RP1: variants seen among roughly 807,000 people sequenced by gnomAD.
RP1 encodes oxygen-regulated protein 1.
A neutral mutation model predicts 14.8 loss-of-function variants in RP1; 16 were observed. The ratio of observed to expected loss-of-function variants is 1.08; its 90% confidence interval spans 0.73 to 1.65. RP1 has a LOEUF of 1.65. RP1 is among the 40% of genes most tolerant of loss of function. The pLI, the probability that RP1 is intolerant of heterozygous loss-of-function variation, is 0.00. For missense variants in RP1, 2,631 were observed against 2,535.0 expected, an observed-to-expected ratio of 1.04 and a Z score of -0.81; for synonymous variants, 876 against 883.6, an observed-to-expected ratio of 0.99 and a Z score of 0.15.
intron 1 of RP1, among the ~76,000 whole-genome samples, chr8:54,583,827 C>T (rs1804854253): frequency 6.6e-6 from 1 of 152,184 alleles, no homozygotes; most frequent in Non-Finnish European, 1.5e-5. Flanking sequence ...GTTAGTATTT[C>T]TGTGGGATCG....
intron 1 of RP1, among the ~76,000 whole-genome samples, chr8:54,568,459 A>T (rs1193818825): frequency 6.6e-6 from 1 of 152,182 alleles, no homozygotes; most frequent in African/African-American, 2.4e-5. Flanking sequence ...TTTGTTCTTG[A>T]GATATTTGGA....
intron 1 of RP1, among the ~76,000 whole-genome samples, chr8:54,619,236 G>GC (rs1563327370): frequency 6.6e-6 from 1 of 151,352 alleles, no homozygotes; most frequent in African/African-American, 2.4e-5. Flanking sequence ...ATCTTCAAAT[G>GC]TTTTTTTTTC....
chr8:54,690,803 G>A (rs1807692280), intron 12 of RP1, among the ~76,000 whole-genome samples: 1 of 151,970 alleles, frequency 6.6e-6, no homozygotes. Flanking sequence ...TTAGTTTCAA[G>A]TGTTGTACTG....
At chr8:54,605,212 G>C (rs573960483) in intron 1 of RP1, among the ~76,000 whole-genome samples, 13 of 152,290 alleles carry the variant, frequency 8.5e-5, no homozygotes, top group African/African-American at 2.9e-4. Flanking sequence ...TGCTTTGAAT[G>C]TGTCCCAGAG....
exon 24 of RP1, chr8:54,783,653 T>C: frequency 1.6e-6 from 2 of 1,231,410 alleles, no homozygotes; most frequent in Non-Finnish European, 2.0e-6. Flanking sequence ...CAGGTCCTAT[T>C]ATTTTGGGAT....
At chr8:54,568,536 G>C (rs1175603490) in intron 1 of RP1, among the ~76,000 whole-genome samples, 1 of 152,194 alleles carries the variant, frequency 6.6e-6, no homozygotes. Context: ...TGTACCTTTA[G>C]TGTGATAAGT....
At chr8:54,862,562 A>G (rs1054559306) in intron 27 of RP1, among the ~76,000 whole-genome samples, 4 of 152,230 alleles carry the variant, frequency 2.6e-5, no homozygotes, top group African/African-American at 9.6e-5. Flanking sequence ...TAAAGATAGC[A>G]GAGTATTCCA....
chr8:54,865,969 T>C, intron 28 of RP1: 1 of 781,882 alleles, frequency 1.3e-6, no homozygotes, highest in Non-Finnish European at 1.7e-6. Context: ...GTCCAATTTA[T>C]TCCACCTGTG....
intron 25 of RP1, among the ~76,000 whole-genome samples, chr8:54,851,451 G>T (rs1362061704): frequency 6.6e-6 from 1 of 152,160 alleles, no homozygotes; most frequent in Non-Finnish European, 1.5e-5. Flanking sequence ...TCTATGTGAA[G>T]ATGTCAAATC....
intron 19 of RP1, among the ~76,000 whole-genome samples, chr8:54,751,235 G>A (rs1259601169): frequency 6.6e-6 from 1 of 152,178 alleles, no homozygotes; most frequent in African/African-American, 2.4e-5. Flanking sequence ...TTTCCAAAAG[G>A]TGTTTTGATC....
chr8:54,579,527 G>A (rs1424570222), intron 1 of RP1, among the ~76,000 whole-genome samples: 1 of 152,168 alleles, frequency 6.6e-6, no homozygotes, highest in Non-Finnish European at 1.5e-5. Flanking sequence ...TTGCCTGTAG[G>A]AATGAGTCCT....
intron 22 of RP1, among the ~76,000 whole-genome samples, chr8:54,761,965 T>G (rs1027812574): frequency 6.6e-6 from 1 of 152,182 alleles, no homozygotes; most frequent in African/African-American, 2.4e-5. Context: ...TAGTTACTTC[T>G]GTCTCCCAGA....
intron 22 of RP1, among the ~76,000 whole-genome samples, chr8:54,768,478 C>T (rs1809819589): frequency 6.6e-6 from 1 of 152,134 alleles, no homozygotes; most frequent in African/African-American, 2.4e-5. Flanking sequence ...AATACCTGCC[C>T]ACACAGGGCA....
chr8:54,734,035 C>A (rs1240666383), intron 17 of RP1, among the ~76,000 whole-genome samples: 2 of 152,154 alleles, frequency 1.3e-5, no homozygotes. Context: ...TCTTTAGTTC[C>A]AAATCCTTTC....
chr8:54,844,580 A>G (rs566072679), intron 25 of RP1, among the ~76,000 whole-genome samples: 33 of 152,190 alleles, frequency 2.2e-4, no homozygotes, highest in African/African-American at 7.9e-4. Context: ...ATGTGTAGAC[A>G]TGCTTGCCTC....
intron 22 of RP1, among the ~76,000 whole-genome samples, chr8:54,766,554 G>T (rs917514020): frequency 6.6e-6 from 1 of 152,092 alleles, no homozygotes; most frequent in Admixed American, 6.5e-5. Context: ...TTGGGGATGG[G>T]GGTGGAGACA....
intron 3 of RP1, among the ~76,000 whole-genome samples, chr8:54,637,947 A>C (rs141490632): frequency 6.5e-4 from 99 of 152,208 alleles, no homozygotes; most frequent in African/African-American, 2.4e-3. Context: ...TCCTTGGGGA[A>C]GTCCCTTCCC....
chr8:54,630,632 T>G lies in RP1; in HGVS notation c.*279T>G, dbSNP rs1195700584. The G allele has an allele frequency of 3.3e-6, 4 of 1,204,044 alleles. No individual in the cohort carries two copies. Among genetic ancestry groups the G allele is most frequent in the Admixed American group, 4.3e-5 (1 of 23,064 alleles). The allele number at this position is 1,204,044 out of a possible 1,614,324, so 74.6% of individuals were successfully genotyped here. ...TTTTTTTTGGTATCTATGATTTTTT[T>G]TGCTCAGGGCATCAAAATGTGCTAA... On this transcript the variant is annotated 3_prime_UTR_variant, in exon 4 of 4. Coordinates refer to ENST00000220676, the MANE Select transcript of RP1 (RefSeq NM_006269.2).
chr8:54,779,838 G>A (rs778603455), intron 23 of RP1, among the ~76,000 whole-genome samples: 13 of 152,086 alleles, frequency 8.5e-5, no homozygotes, highest in East Asian at 1.9e-4. Context: ...AAATGCTAAC[G>A]GTATTTATAA....
Sources: allele counts gnomAD v4.1 joint callset (sites outside exome capture counted in the v4.1 genomes callset), GRCh38; gene constraint gnomAD v4.1.1; transcripts MANE v1.5; gene names NCBI Gene and HGNC (gene_info 2026-07-23, HGNC 2026-07-21).